STKLD1: variants seen among roughly 807,000 people sequenced by gnomAD.
STKLD1 encodes serine/threonine kinase-like domain-containing protein STKLD1.
In STKLD1, 79 loss-of-function variants were observed where a neutral mutation model predicts 80.4. The ratio of observed to expected loss-of-function variants is 0.98; its 90% CI spans 0.82 to 1.19. The LOEUF is 1.19. Ranked by LOEUF, STKLD1 falls within the 50% of genes most tolerant of loss-of-function variation. STKLD1 has a pLI of 0.00. For missense variants in STKLD1, 841 were observed against 856.0 expected (o/e 0.98, Z 0.22); for synonymous variants, 393 against 357.6 (o/e 1.10, Z -1.12).
At chr9:133,391,463 G>T (rs2130289708) in intron 7 of STKLD1, among the ~76,000 whole-genome samples, 1 of 151,604 alleles carries the variant, frequency 6.6e-6, no homozygotes, top group Non-Finnish European at 1.5e-5. Context: ...TCGGATGGTT[G>T]CTGTGTCTGT....
intron 9 of STKLD1, 196 bp downstream of exon 9, chr9:133,395,959 T>TAATC: frequency 1.8e-6 from 1 of 558,682 alleles, no homozygotes; most frequent in Non-Finnish European, 3.1e-6. Flanking sequence ...ATCCCGAATG[T>TAATC]ACGGTGGAGT....
intron 10 of STKLD1, among the ~76,000 whole-genome samples, chr9:133,397,609 G>T (rs1178141751): frequency 6.6e-6 from 1 of 152,042 alleles, no homozygotes; most frequent in Non-Finnish European, 1.5e-5. Context: ...CACTGCCCAC[G>T]CCTCCCACAA....
intron 13 of STKLD1, among the ~76,000 whole-genome samples, chr9:133,402,323 C>G (rs935873409): frequency 1.3e-5 from 2 of 152,192 alleles, no homozygotes; most frequent in African/African-American, 4.8e-5. Context: ...CTGTTCTCCC[C>G]AACAGGAAGC....
chr9:133,402,780 T>C lies in STKLD1; in HGVS notation c.1340-98T>C, dbSNP rs1838741496. 1.2e-5 allele frequency: 17 copies of C among 1,363,328 alleles called. No individual in the cohort carries two copies. The South Asian group carries it at 1.7e-4, about 14-fold the overall frequency. 84.5% of individuals were successfully genotyped at this position (1,363,328 alleles called of 1,614,324 possible). On this transcript the variant is annotated intron_variant, in intron 13 of 17. Transcript: ENST00000371957. ...CTTGGCCCAGAGCAGGCACCTAGGA[T>C]TGCAGGTCAAATGGGACTGCAGTGC...
At chr9:133,380,946 A>G (rs1352399517) in intron 2 of STKLD1, among the ~76,000 whole-genome samples, 3 of 152,004 alleles carry the variant, frequency 2.0e-5, no homozygotes, top group Non-Finnish European at 2.9e-5. Flanking sequence ...AGCCATCCCT[A>G]TCACATGGGC....
intron 2 of STKLD1, among the ~76,000 whole-genome samples, chr9:133,381,202 G>C (rs1838124444): frequency 1.5e-5 from 2 of 130,198 alleles, no homozygotes; most frequent in Non-Finnish European, 3.1e-5. Context: ...ACAGTGGTGT[G>C]ATCTCAGCTC....
Position 133,397,195 on chromosome 9 carries a change from T to C in STKLD1, c.898T>C (p.Ser300Pro). Residue 300 changes from serine (S) to proline (P), a missense_variant, in exon 10 of 18, where the codon TCC becomes CCC. Coordinates refer to ENST00000371957, the MANE Select transcript of STKLD1 (RefSeq NM_153710.5). The stretch of plus-strand genomic sequence containing the variant: ...GGTGCACATCACCTTCTTGAGAGGC[T>C]CCTTCAAGTCCTCGTGCGTCTCTCT... Reference protein sequence around the residue: ...DVVHITFLRGSFKSSCVSLTL... With the variant: ...DVVHITFLRGPFKSSCVSLTL... 6.2e-7 allele frequency: 1 copy of C among 1,613,986 alleles called. No individual in the cohort carries two copies. Among genetic ancestry groups the C allele is most frequent in the South Asian group, 1.1e-5 (1 of 91,076 alleles).
chr9:133,398,395 G>A (rs971933354), intron 11 of STKLD1, among the ~76,000 whole-genome samples: 6 of 152,232 alleles, frequency 3.9e-5, no homozygotes, highest in African/African-American at 1.4e-4. Flanking sequence ...TGGTGTGTAT[G>A]TATCTGTGCA....
intron 11 of STKLD1, among the ~76,000 whole-genome samples, chr9:133,399,398 T>G (rs1248802064): frequency 2.0e-5 from 3 of 152,118 alleles, no homozygotes; most frequent in Admixed American, 6.6e-5. Flanking sequence ...TGGGCCTAAT[T>G]TACCATTCCC....
chr9:133,397,906 C>G (rs749892606), intron 10 of STKLD1, 66 bp from the exon 11 acceptor site: 3 of 1,374,582 alleles, frequency 2.2e-6, no homozygotes, highest in Admixed American at 1.9e-5. Context: ...AGTGTGGTGC[C>G]GAGAAACAGA....
Position 133,394,391 on chromosome 9 carries a change from C to T in STKLD1, c.684C>T (p.Thr228=), listed in dbSNP as rs587735253. ...TGGGCTGCATCATTCTGGACATGAC[C>T]AGCTGCTCCTTCATGGATGTGAGCC... ...WSLGCIILDM[T]SCSFMDGTEA... Residue 228 remains threonine (T), a synonymous_variant, in exon 8 of 18, where the codon ACC becomes ACT. Transcript: ENST00000371957. This position sits in a 1 kb window ranked among gnomAD's most constrained non-coding sequence, Gnocchi z 4.9. 2 of 1,613,254 alleles carry T rather than the reference C, an allele frequency of 1.2e-6. No homozygotes were observed. The highest frequency in any genetic ancestry group is 2.2e-5 in the South Asian group (2 of 91,062).
intron 16 of STKLD1, 119 bp downstream of exon 16, chr9:133,404,167 A>C: frequency 1.0e-5 from 13 of 1,298,500 alleles, no homozygotes; most frequent in Non-Finnish European, 1.3e-5. Context: ...CAAAAAGGAA[A>C]AGAAATTAAA....
At position 133,387,504 on chromosome 9, in the gene STKLD1, G is replaced by T; in HGVS notation, c.352G>T (p.Val118Phe). Residue 118 changes from valine to phenylalanine, a missense_variant, in exon 5 of 18, where the codon GTC (valine) becomes TTC (phenylalanine). Coordinates refer to ENST00000371957, the MANE Select transcript of STKLD1 (RefSeq NM_153710.5). ...GTTCAATGAGCTCAGCTTCCAGGAG[G>T]TCATTGAGGATAAGAGGAAGGCAAA... ...MEFNELSFQE[V>F]IEDKRKAKKI... is the part of the protein sequence containing the mutation. 8 of 1,614,128 alleles carry T rather than the reference G, an allele frequency of 5.0e-6. No individual in the cohort carries two copies. The highest frequency in any genetic ancestry group is 2.2e-5 in the East Asian group (1 of 44,882).
intron 13 of STKLD1, 143 bp from the exon 14 acceptor site, chr9:133,402,735 G>T: frequency 2.3e-6 from 2 of 855,722 alleles, no homozygotes; most frequent in East Asian, 2.8e-5. Flanking sequence ...CCTGTTCAGG[G>T]CTCCATTGAG....
intron 14 of STKLD1, 85 bp from the exon 15 acceptor site, chr9:133,403,615 G>A: frequency 6.6e-7 from 1 of 1,518,146 alleles, no homozygotes; most frequent in Non-Finnish European, 8.9e-7. Flanking sequence ...GTTAGCTGGA[G>A]GAAGGCAGCA....
chr9:133,389,483 C>T lies in STKLD1; in HGVS notation c.397-43C>T, dbSNP rs2130284095. ...GAGTGTCACCCCCCTGAAAGCAGCA[C>T]AGGGTGCCCCTCCCATCCTGGCACC... is the stretch of plus-strand genomic sequence containing the variant. On this transcript the variant is annotated intron_variant, in intron 5 of 17. Coordinates refer to ENST00000371957, the MANE Select transcript of STKLD1 (RefSeq NM_153710.5). This position sits in a 1 kb window ranked among gnomAD's most constrained non-coding sequence, Gnocchi z 6.4. The T allele has an allele frequency of 6.2e-7, 1 of 1,607,006 alleles. No homozygotes were observed. The highest frequency in any genetic ancestry group is 1.1e-5 in the South Asian group (1 of 89,862).
At chr9:133,381,735 C>T (rs2130266958) in intron 2 of STKLD1, among the ~76,000 whole-genome samples, 1 of 152,344 alleles carries the variant, frequency 6.6e-6, no homozygotes, top group East Asian at 1.9e-4. Context: ...CAGGCGTGAG[C>T]CACTGTGCCC....
At chr9:133,400,354 G>T in intron 11 of STKLD1, 59 bp from the exon 12 acceptor site, 1 of 1,345,796 alleles carries the variant, frequency 7.4e-7, no homozygotes, top group Admixed American at 1.7e-5. Context: ...CCCTGGTCGG[G>T]TCTATATGCC....
At chr9:133,382,550 G>A (rs2130269117) in intron 2 of STKLD1, among the ~76,000 whole-genome samples, 3 of 147,914 alleles carry the variant, frequency 2.0e-5, no homozygotes, top group Admixed American at 1.3e-4. Context: ...GGTGATGGTG[G>A]TGATGGTGTG....
Sources: allele counts gnomAD v4.1 joint callset (sites outside exome capture counted in the v4.1 genomes callset), GRCh38; gene constraint gnomAD v4.1.1; non-coding constraint Gnocchi (gnomAD v3.1); transcripts MANE v1.5; gene names NCBI Gene and HGNC (gene_info 2026-07-23, HGNC 2026-07-21).